Variants in TEAD1 observed in about 807,000 individuals in gnomAD.
TEAD1 encodes transcriptional enhancer factor TEF-1.
Under a neutral mutation model 54.9 loss-of-function variants are expected in TEAD1, and 9 were observed. That is an observed-to-expected ratio of 0.16 (90% confidence interval 0.10 to 0.29). The LOEUF (loss-of-function observed/expected upper bound fraction) is 0.29. Among genes scored for constraint, TEAD1 ranks in the 10% least tolerant of loss-of-function variants. The probability of loss-of-function intolerance (pLI) is 1.00; values close to 1 mark genes in which losing one functional copy is unlikely to be tolerated. For missense variants in TEAD1, 387 were observed against 535.9 expected (o/e 0.72, Z 2.74); for synonymous variants, 200 against 187.8 (o/e 1.07, Z -0.53).
chr11:12,840,959 T>C (rs1348356424), intron 3 of TEAD1, among the ~76,000 whole-genome samples: 4 of 152,182 alleles, frequency 2.6e-5, no homozygotes, highest in African/African-American at 9.7e-5. Flanking sequence ...AAAATTGAAA[T>C]GGAATACTTT....
intron 5 of TEAD1, chr11:12,879,357 A>ATTTT: frequency 1.9e-6 from 1 of 538,984 alleles, no homozygotes. Flanking sequence ...CAGGGCCTTT[A>ATTTT]TTTTTTTTTC....
At chr11:12,874,975 A>G (rs1013561214) in intron 5 of TEAD1, among the ~76,000 whole-genome samples, 7 of 152,180 alleles carry the variant, frequency 4.6e-5, no homozygotes, top group African/African-American at 1.7e-4. Context: ...TCTAGGATGC[A>G]ATTTTCTTAT....
intron 2 of TEAD1, among the ~76,000 whole-genome samples, chr11:12,692,942 C>T (rs1182512204): frequency 1.3e-5 from 2 of 152,090 alleles, no homozygotes; most frequent in African/African-American, 2.4e-5. Context: ...GTGTTCTTTT[C>T]CCCCTTTTCC....
intron 5 of TEAD1, among the ~76,000 whole-genome samples, chr11:12,877,162 G>A (rs1283593597): frequency 6.6e-6 from 1 of 152,142 alleles, no homozygotes; most frequent in Non-Finnish European, 1.5e-5. Flanking sequence ...GATAACAGCA[G>A]CAAAAGGATC....
chr11:12,917,356 C>T (rs1444599772), intron 10 of TEAD1, among the ~76,000 whole-genome samples: 1 of 152,144 alleles, frequency 6.6e-6, no homozygotes, highest in Admixed American at 6.5e-5. Context: ...TGCGTCCCTT[C>T]TAGTTCCTTG....
intron 2 of TEAD1, among the ~76,000 whole-genome samples, chr11:12,682,912 G>A (rs1364474682): frequency 6.6e-6 from 1 of 152,102 alleles, no homozygotes; most frequent in East Asian, 1.9e-4. Flanking sequence ...TTTTGAAATT[G>A]GGATGTGTTT....
rs558758787 is a variant in TEAD1 at position 12,782,230 on chromosome 11, A to T, written c.202+17796A>T. Among the ~76,000 whole-genome samples the T allele has an allele frequency of 1.3e-3, 193 of 152,340 alleles. 1 individual carries two copies. Among genetic ancestry groups the T allele is most frequent in the African/African-American group, 4.5e-3 (186 of 41,572 alleles). ...AATGTTTATCAGCTGATGACTGCGT[A>T]AATAAAATGTGGTAATAGCTATACA... On this transcript the variant is annotated intron_variant, in intron 3 of 12. Coordinates refer to ENST00000527636, the MANE Select transcript of TEAD1 (RefSeq NM_021961.6).
chr11:12,822,045 G>T (rs1323615060), intron 3 of TEAD1, among the ~76,000 whole-genome samples: 1 of 133,176 alleles, frequency 7.5e-6, no homozygotes, highest in Non-Finnish European at 1.5e-5. Flanking sequence ...CTCACTGCAA[G>T]CTCCGCCTCC....
At chr11:12,774,110 C>G (rs1015414119) in intron 3 of TEAD1, among the ~76,000 whole-genome samples, 6 of 152,130 alleles carry the variant, frequency 3.9e-5, no homozygotes, top group African/African-American at 1.4e-4. Flanking sequence ...ATGAGGCATG[C>G]TGTTCAGAGG....
At chr11:12,756,901 A>G (rs981019102) in intron 2 of TEAD1, among the ~76,000 whole-genome samples, 33 of 152,336 alleles carry the variant, frequency 2.2e-4, no homozygotes, top group Admixed American at 9.8e-4. Flanking sequence ...AGAAGGCTGA[A>G]TTTGGTTTTG....
chr11:12,827,288 G>C (rs1470807841), intron 3 of TEAD1, among the ~76,000 whole-genome samples: 1 of 152,170 alleles, frequency 6.6e-6, no homozygotes, highest in Non-Finnish European at 1.5e-5. Flanking sequence ...GCATCTCCTA[G>C]GGGCTTTCTC....
intron 4 of TEAD1, 196 bp from the exon 5 acceptor site, chr11:12,864,617 TTTTTGTTTTGTTTTGTTTTGTTTTG>T (rs78050843): frequency 3.1e-6 from 3 of 954,790 alleles, no homozygotes; most frequent in African/African-American, 3.6e-5. Context: ...TTGATTTCCT[TTTTTGTTTTGTTTTGTTTTGTTTTG>T]TTTTGTTTTG....
intron 3 of TEAD1, among the ~76,000 whole-genome samples, chr11:12,787,767 T>C (rs11022501): frequency 0.44 from 66,843 of 152,024 alleles, 15,021 homozygotes; most frequent in South Asian, 0.61. Flanking sequence ...TAAATTTATG[T>C]ACTTAATTTC....
chr11:12,739,248 C>T (rs1253308030), intron 2 of TEAD1, among the ~76,000 whole-genome samples: 1 of 151,926 alleles, frequency 6.6e-6, no homozygotes, highest in African/African-American at 2.4e-5. Flanking sequence ...ATCTATCAGT[C>T]ATCTATCTCT....
At chr11:12,795,466 T>TGATCCA (rs1847085782) in intron 3 of TEAD1, among the ~76,000 whole-genome samples, 1 of 152,156 alleles carries the variant, frequency 6.6e-6, no homozygotes, top group African/African-American at 2.4e-5. Flanking sequence ...GGGTGCAGGT[T>TGATCCA]TAAAGAGGAT....
At chr11:12,750,969 T>G (rs1183846531) in intron 2 of TEAD1, among the ~76,000 whole-genome samples, 2 of 152,174 alleles carry the variant, frequency 1.3e-5, no homozygotes, top group Non-Finnish European at 2.9e-5. Flanking sequence ...TCCTGTTTTT[T>G]GGGGAGCAGT....
intron 10 of TEAD1, among the ~76,000 whole-genome samples, chr11:12,909,271 T>C (rs12271150): frequency 0.18 from 27,910 of 152,170 alleles, 2,758 homozygotes; most frequent in Non-Finnish European, 0.23. Flanking sequence ...TTGGAATGCT[T>C]CTGTCAGTTG....
At chr11:12,838,969 A>G (rs1408198415) in intron 3 of TEAD1, among the ~76,000 whole-genome samples, 1 of 152,234 alleles carries the variant, frequency 6.6e-6, no homozygotes, top group East Asian at 1.9e-4. Flanking sequence ...GGGGAAACAG[A>G]CTTATAAATT....
At chr11:12,688,680 T>A (rs941093733) in intron 2 of TEAD1, among the ~76,000 whole-genome samples, 12 of 152,210 alleles carry the variant, frequency 7.9e-5, no homozygotes, top group Non-Finnish European at 1.5e-5. Context: ...GCTGTGTGAT[T>A]TTGAGTAAGT....
Sources: allele counts gnomAD v4.1 joint callset (sites outside exome capture counted in the v4.1 genomes callset), GRCh38; gene constraint gnomAD v4.1.1; transcripts MANE v1.5; gene names NCBI Gene and HGNC (gene_info 2026-07-23, HGNC 2026-07-21).